The following CCDC102B variants were observed in gnomAD, a reference collection of about 807,000 sequenced individuals.
CCDC102B encodes coiled-coil domain-containing protein 102B.
A neutral mutation model predicts 57.4 loss-of-function variants in CCDC102B; 75 were observed. That is an observed-to-expected ratio of 1.31 (90% CI 1.08 to 1.58). CCDC102B has a LOEUF of 1.58. Ranked by LOEUF, CCDC102B falls within the 40% of genes most tolerant of loss-of-function variation. The pLI is 0.00. For missense variants in CCDC102B, 636 were observed against 582.6 expected (o/e 1.09, Z -0.94); for synonymous variants, 206 against 201.9 (o/e 1.02, Z -0.17).
At chr18:68,752,974 C>T (rs936873864) in intron 2 of CCDC102B, among the ~76,000 whole-genome samples, 2 of 152,198 alleles carry the variant, frequency 1.3e-5, no homozygotes, top group South Asian at 2.1e-4. Context: ...GAAACCCTAA[C>T]GAGACTAATT....
chr18:69,026,114 G>T (rs2051982158), intron 7 of CCDC102B, among the ~76,000 whole-genome samples: 1 of 152,134 alleles, frequency 6.6e-6, no homozygotes, highest in African/African-American at 2.4e-5. Context: ...GAGAACGTGT[G>T]ATTCAGCCAG....
chr18:68,982,796 T>A (rs1473339900), intron 6 of CCDC102B, among the ~76,000 whole-genome samples: 1 of 151,936 alleles, frequency 6.6e-6, no homozygotes, highest in Non-Finnish European at 1.5e-5. Flanking sequence ...TTAAACAGTG[T>A]CTCATAGTAG....
At chr18:68,957,176 G>T (rs1049979241) in intron 6 of CCDC102B, among the ~76,000 whole-genome samples, 4 of 152,014 alleles carry the variant, frequency 2.6e-5, no homozygotes, top group Admixed American at 2.6e-4. Flanking sequence ...CACCTGTGCT[G>T]TGTATTATTC....
intron 5 of CCDC102B, among the ~76,000 whole-genome samples, chr18:68,896,921 A>G (rs539076592): frequency 4.6e-5 from 7 of 152,138 alleles, no homozygotes; most frequent in Admixed American, 1.3e-4. Flanking sequence ...GAGAGTGGAG[A>G]TTAATGTTCC....
chr18:68,935,297 G>T (rs1020844382), intron 6 of CCDC102B, among the ~76,000 whole-genome samples: 5 of 151,958 alleles, frequency 3.3e-5, no homozygotes, highest in Non-Finnish European at 5.9e-5. Context: ...TGAAGGTAAG[G>T]TTGAGAAGAT....
intron 7 of CCDC102B, among the ~76,000 whole-genome samples, chr18:69,052,205 C>A (rs1196594098): frequency 1.3e-5 from 2 of 151,760 alleles, no homozygotes; most frequent in African/African-American, 4.8e-5. Flanking sequence ...AATAAACATA[C>A]ATGAGAAAAA....
chr18:68,811,668 G>A (rs567147679), intron 1 of CCDC102B, among the ~76,000 whole-genome samples: 125 of 152,158 alleles, frequency 8.2e-4, no homozygotes, highest in African/African-American at 2.9e-3. Flanking sequence ...GCAGGCAGAA[G>A]GGTCTTTAAG....
chr18:69,029,053 G>A (rs904862291), intron 7 of CCDC102B, among the ~76,000 whole-genome samples: 1 of 152,128 alleles, frequency 6.6e-6, no homozygotes, highest in South Asian at 2.1e-4. Context: ...GCTGCATAAA[G>A]TTTCACATTC....
At chr18:68,915,472 A>G (rs2041038104) in intron 6 of CCDC102B, among the ~76,000 whole-genome samples, 1 of 152,260 alleles carries the variant, frequency 6.6e-6, no homozygotes. Flanking sequence ...CTTTTTACCC[A>G]TATTAATGAG....
chr18:68,753,145 C>A (rs2033925785), intron 2 of CCDC102B: 1 of 151,988 alleles, frequency 6.6e-6, no homozygotes, highest in Non-Finnish European at 1.5e-5. Flanking sequence ...ACAATGATTT[C>A]ATTTTTTTAA....
intron 2 of CCDC102B, among the ~76,000 whole-genome samples, chr18:68,774,053 C>A (rs1410212827): frequency 2.0e-5 from 3 of 151,872 alleles, no homozygotes; most frequent in African/African-American, 7.3e-5. Context: ...CACACACACA[C>A]AAATTAAAAA....
At chr18:69,036,911 C>T (rs977842729) in intron 7 of CCDC102B, among the ~76,000 whole-genome samples, 1 of 152,006 alleles carries the variant, frequency 6.6e-6, no homozygotes, top group Admixed American at 6.6e-5. Context: ...TACACATCCT[C>T]GATTGAAGTT....
intron 6 of CCDC102B, among the ~76,000 whole-genome samples, chr18:68,937,989 T>C (rs895260401): frequency 1.3e-5 from 2 of 152,126 alleles, no homozygotes; most frequent in African/African-American, 4.8e-5. Flanking sequence ...TGTCACATTT[T>C]CTTTATCCAG....
chr18:68,853,669 T>C (rs1461050841), intron 4 of CCDC102B, among the ~76,000 whole-genome samples: 1 of 37,918 alleles, frequency 2.6e-5, no homozygotes, highest in Admixed American at 2.8e-4. Flanking sequence ...TATCCCCAAA[T>C]TGTAAAAAAA....
chr18:68,830,422 A>G (rs8086845), intron 1 of CCDC102B, among the ~76,000 whole-genome samples: 3,385 of 151,994 alleles, frequency 0.022, 100 homozygotes, highest in African/African-American at 0.064. Flanking sequence ...TTAAGGTCTC[A>G]AGAAATATTT....
At chr18:69,013,873 T>C (rs72959927) in intron 7 of CCDC102B, among the ~76,000 whole-genome samples, 38,536 of 152,106 alleles carry the variant, frequency 0.25, 5,677 homozygotes, top group South Asian at 0.35. Flanking sequence ...GTAAAATATA[T>C]AAATTAGGAT....
intron 6 of CCDC102B, among the ~76,000 whole-genome samples, chr18:68,959,331 C>T (rs1432602988): frequency 6.6e-6 from 1 of 152,138 alleles, no homozygotes; most frequent in East Asian, 1.9e-4. Flanking sequence ...GGCAAAGACT[C>T]TTGTTCTCTT....
intron 6 of CCDC102B, among the ~76,000 whole-genome samples, chr18:69,003,781 A>C (rs751135276): frequency 1.3e-5 from 2 of 152,214 alleles, no homozygotes; most frequent in African/African-American, 2.4e-5. Context: ...AGAACTTAGA[A>C]ATAAGATAAA....
chr18:68,839,746 G>T (rs1370120755), intron 3 of CCDC102B, among the ~76,000 whole-genome samples: 1 of 152,118 alleles, frequency 6.6e-6, no homozygotes, highest in Non-Finnish European at 1.5e-5. Flanking sequence ...TTAAGGGGGT[G>T]CTTGGCTTCC....
Sources: gnomAD v4.1 joint callset for allele counts (sites outside exome capture counted in the v4.1 genomes callset) on GRCh38, gnomAD v4.1.1 for gene constraint, MANE v1.5 for transcripts, NCBI Gene and HGNC (gene_info 2026-07-23, HGNC 2026-07-21) for gene names.